The following TESK2 variants were observed in gnomAD, a reference collection of about 807,000 sequenced individuals.
TESK2 encodes the protein dual specificity testis-specific protein kinase 2.
In TESK2, 39 loss-of-function variants were observed where a neutral mutation model predicts 57.1. That is an observed-to-expected ratio of 0.68 (90% CI 0.53 to 0.89). The LOEUF (loss-of-function observed/expected upper bound fraction) is 0.89, where lower values mean the gene tolerates loss of function less well. Among genes scored for constraint, TESK2 ranks in the 40% least tolerant of loss-of-function variants. The pLI, the probability that TESK2 is intolerant of heterozygous loss-of-function variation, is 0.00. For synonymous variants in TESK2, 249 were observed against 267.9 expected, an observed-to-expected ratio of 0.93 and a Z score of 0.69; for missense variants, 646 against 732.1, an observed-to-expected ratio of 0.88 and a Z score of 1.36.
At chr1:45,367,482 G>A (rs557785658) in intron 4 of TESK2, among the ~76,000 whole-genome samples, 1 of 151,160 alleles carries the variant, frequency 6.6e-6, no homozygotes, top group East Asian at 1.9e-4. Context: ...CCAAGTAGCT[G>A]GGATTACAGG....
chr1:45,468,175 CAAA>C (rs34081885), intron 1 of TESK2, among the ~76,000 whole-genome samples: 1 of 114,116 alleles, frequency 8.8e-6, no homozygotes. Flanking sequence ...ACGTCTGTCT[CAAA>C]AAAAAAAAAA....
intron 4 of TESK2, among the ~76,000 whole-genome samples, chr1:45,359,417 G>A (rs577607911): frequency 1.4e-4 from 21 of 152,070 alleles, no homozygotes; most frequent in African/African-American, 2.7e-4. Context: ...AAAATTAGCC[G>A]GGCATGGTGG....
chr1:45,365,703 G>T (rs1236403315), intron 4 of TESK2, among the ~76,000 whole-genome samples: 2 of 135,002 alleles, frequency 1.5e-5, no homozygotes, highest in Non-Finnish European at 3.1e-5. Context: ...TTTTGAGACA[G>T]AGTCTCACTC....
chr1:45,483,263 A>T (rs1653307514), intron 1 of TESK2, among the ~76,000 whole-genome samples: 1 of 150,930 alleles, frequency 6.6e-6, no homozygotes, highest in African/African-American at 2.4e-5. Context: ...CCTGGACAAT[A>T]GAGAGAGACT....
At chr1:45,347,882 G>T (rs1020547400) in intron 6 of TESK2, 36 bp downstream of exon 6, 2 of 1,558,986 alleles carry the variant, frequency 1.3e-6, no homozygotes, top group African/African-American at 1.4e-5. Flanking sequence ...TCAGCCCCCT[G>T]TCCCTTGGAC....
chr1:45,422,239 A>G (rs1650505211), intron 2 of TESK2, among the ~76,000 whole-genome samples: 1 of 152,200 alleles, frequency 6.6e-6, no homozygotes, highest in South Asian at 2.1e-4. Context: ...GAACACATGG[A>G]CACAGAGAGG....
chr1:45,396,829 G>C (rs1448885358), intron 3 of TESK2, among the ~76,000 whole-genome samples: 1 of 23,416 alleles, frequency 4.3e-5, no homozygotes, highest in African/African-American at 1.9e-4. Context: ...TTTTTTTTTT[G>C]AGATGGAGTC....
intron 4 of TESK2, among the ~76,000 whole-genome samples, chr1:45,359,993 A>C (rs2149266765): frequency 6.6e-6 from 1 of 152,368 alleles, no homozygotes; most frequent in South Asian, 2.1e-4. Flanking sequence ...GCAGCACTTC[A>C]GATCCTTGGA....
chr1:45,452,051 A>T (rs1035190666), intron 2 of TESK2, among the ~76,000 whole-genome samples: 20 of 150,556 alleles, frequency 1.3e-4, no homozygotes, highest in East Asian at 3.9e-4. Context: ...AAAAAAATTT[A>T]TTTGGTATAA....
At position 45,421,778 on chromosome 1, in the gene TESK2, G is replaced by A; in HGVS notation, c.291C>T (p.Asn97=). 6.2e-7 allele frequency: 1 copy of A among 1,614,110 alleles called. No homozygotes were observed. The highest frequency in any genetic ancestry group is 8.5e-7 in the Non-Finnish European group (1 of 1,179,990). The stretch of plus-strand genomic sequence containing the variant: ...TCATGAGCTGTACTTCTTTCAGCAT[G>A]TTTGCCCGGTTACTGCTCAATGTGT... The part of the protein sequence containing the change: ...KMNTLSSNRA[N]MLKEVQLMNR... Residue 97 remains asparagine (N), a synonymous_variant, in exon 3 of 11, where the codon AAC becomes AAT. Coordinates refer to ENST00000372086, the MANE Select transcript of TESK2 (RefSeq NM_007170.3).
At chr1:45,472,122 G>A (rs1027089825) in intron 1 of TESK2, among the ~76,000 whole-genome samples, 3 of 151,756 alleles carry the variant, frequency 2.0e-5, no homozygotes, top group East Asian at 3.9e-4. Flanking sequence ...TATGGTGGCC[G>A]GCACCTGTAG....
chr1:45,445,394 C>T (rs536701408), intron 2 of TESK2, among the ~76,000 whole-genome samples: 23 of 152,176 alleles, frequency 1.5e-4, no homozygotes, highest in Admixed American at 1.2e-3. Flanking sequence ...AATTTATTGG[C>T]TTTTCTGGGA....
chr1:45,473,136 T>C (rs530898858), intron 1 of TESK2, among the ~76,000 whole-genome samples: 8 of 137,062 alleles, frequency 5.8e-5, no homozygotes, highest in African/African-American at 2.2e-4. Flanking sequence ...GGCAAGACAG[T>C]AAGACTCCGT....
intron 1 of TESK2, among the ~76,000 whole-genome samples, chr1:45,469,999 A>C (rs946259920): frequency 2.0e-5 from 3 of 152,196 alleles, no homozygotes; most frequent in African/African-American, 7.2e-5. Flanking sequence ...GTCCATCCAA[A>C]TATGGAATCA....
At chr1:45,455,437 C>T (rs570101429) in intron 2 of TESK2, among the ~76,000 whole-genome samples, 2 of 152,266 alleles carry the variant, frequency 1.3e-5, no homozygotes, top group South Asian at 4.1e-4. Context: ...CCTTAAAAAA[C>T]CTTAGCCCCC....
rs1010435487 is a variant in TESK2 at position 45,432,413 on chromosome 1, C to T, written c.223-10567G>A. 5.3e-5 allele frequency among the ~76,000 whole-genome samples: 8 copies of T among 151,744 alleles called. No homozygotes were observed. The East Asian group carries it at 1.6e-3, about 30-fold the overall frequency. ...ACTTAGAAATATACAATACATTGTCCAGGCACGGTGGCTCACGCCTGTAAT... is the reference window on the plus strand; with the variant it reads ...ACTTAGAAATATACAATACATTGTCTAGGCACGGTGGCTCACGCCTGTAAT... On this transcript the variant is annotated intron_variant, in intron 2 of 10. Transcript: ENST00000372086.
intron 4 of TESK2, among the ~76,000 whole-genome samples, chr1:45,381,087 A>G (rs1187274449): frequency 2.0e-5 from 3 of 152,240 alleles, no homozygotes; most frequent in Non-Finnish European, 4.4e-5. Context: ...AGATTATAGC[A>G]TTGTGAGAAT....
chr1:45,412,303 T>A (rs992187127), intron 3 of TESK2, among the ~76,000 whole-genome samples: 1 of 152,160 alleles, frequency 6.6e-6, no homozygotes, highest in African/African-American at 2.4e-5. Flanking sequence ...AGCCCACATA[T>A]ACGGGAAGGA....
intron 4 of TESK2, among the ~76,000 whole-genome samples, chr1:45,369,102 C>T (rs1415366701): frequency 6.6e-6 from 1 of 152,122 alleles, no homozygotes; most frequent in Admixed American, 6.6e-5. Context: ...GTAAATAGTA[C>T]AGCTTGGATT....
Sources: gnomAD v4.1 joint callset for allele counts (sites outside exome capture counted in the v4.1 genomes callset) on GRCh38, gnomAD v4.1.1 for gene constraint, MANE v1.5 for transcripts, NCBI Gene and HGNC (gene_info 2026-07-23, HGNC 2026-07-21) for gene names.